CDH9: variants seen among roughly 807,000 people sequenced by gnomAD.
CDH9 encodes the protein cadherin-9.
In CDH9, 28 loss-of-function variants were observed where a neutral mutation model predicts 70.9. That is an observed-to-expected ratio of 0.40 (90% CI 0.29 to 0.54). The LOEUF is 0.54. Among genes scored for constraint, CDH9 ranks in the 20% least tolerant of loss-of-function variants. The probability of loss-of-function intolerance (pLI) is 0.59; values close to 1 mark genes in which losing one functional copy is unlikely to be tolerated. For synonymous variants in CDH9, 409 were observed against 343.1 expected, an observed-to-expected ratio of 1.19 and a Z score of -2.12; for missense variants, 874 against 984.4, an observed-to-expected ratio of 0.89 and a Z score of 1.50.
intron 3 of CDH9, among the ~76,000 whole-genome samples, chr5:26,914,966 C>A (rs115815301): frequency 0.019 from 2,818 of 151,930 alleles, 48 homozygotes; most frequent in Non-Finnish European, 0.026. Context: ...TATAAAACTC[C>A]GCACAAGTGG....
chr5:26,930,149 A>T (rs922869041), intron 2 of CDH9, among the ~76,000 whole-genome samples: 1 of 152,070 alleles, frequency 6.6e-6, no homozygotes. Flanking sequence ...AAATATAAAA[A>T]ATTCAAAATA....
chr5:26,977,982 G>C (rs773528064), intron 2 of CDH9, among the ~76,000 whole-genome samples: 212 of 151,996 alleles, frequency 1.4e-3, no homozygotes, highest in Non-Finnish European at 2.2e-3. Context: ...CAAAATAATA[G>C]CCTGCCTAGA....
chr5:26,969,151 G>C (rs1258299982), intron 2 of CDH9, among the ~76,000 whole-genome samples: 2 of 152,088 alleles, frequency 1.3e-5, no homozygotes, highest in East Asian at 3.9e-4. Flanking sequence ...CTGATAGGAG[G>C]TTCCTTTGTT....
At position 26,881,112 on chromosome 5, in the gene CDH9, TATTG is replaced by T. The variant is rs770891390; in HGVS notation, c.*20_*23del. 47 of 1,567,390 alleles carry T rather than the reference TATTG, an allele frequency of 3.0e-5. No homozygotes were observed. Among genetic ancestry groups the T allele is most frequent in the African/African-American group, 9.5e-5 (7 of 73,476 alleles). On this transcript the variant is annotated 3_prime_UTR_variant, in exon 12 of 12. Coordinates refer to ENST00000231021, the MANE Select transcript of CDH9 (RefSeq NM_016279.4). ...ATAACATAGACAGTACTTCCACTAA[TATTG>T]ATTAAGTCAAACAATCCTCTTAGTC...
At chr5:26,933,749 C>G (rs1290690116) in intron 2 of CDH9, among the ~76,000 whole-genome samples, 1 of 151,160 alleles carries the variant, frequency 6.6e-6, no homozygotes, top group Non-Finnish European at 1.5e-5. Context: ...CACTGCACTC[C>G]AGCCAGGCGA....
chr5:26,898,802 A>G (rs1225470110), intron 7 of CDH9, among the ~76,000 whole-genome samples: 3 of 152,310 alleles, frequency 2.0e-5, no homozygotes, highest in Admixed American at 6.5e-5. Context: ...AATGACAACA[A>G]AAGCCAAAAT....
At chr5:26,936,647 A>G (rs1329539954) in intron 2 of CDH9, among the ~76,000 whole-genome samples, 1 of 152,210 alleles carries the variant, frequency 6.6e-6, no homozygotes, top group Non-Finnish European at 1.5e-5. Flanking sequence ...AAGACTTACT[A>G]TAAAAATACA....
At position 27,032,195 on chromosome 5, in the gene CDH9, A is replaced by G. The variant is rs3811936; in HGVS notation, c.-50+6268T>C. ...TATTTTTAAGAGCACTTTATTATTG[A>G]TATTCACCATTTGTATTTTAATAGA... On this transcript the variant is annotated intron_variant, in intron 1 of 11. Transcript: ENST00000231021. Among the ~76,000 whole-genome samples, 9 of 151,712 alleles carry G rather than the reference A, an allele frequency of 5.9e-5. No individual in the cohort carries two copies. The East Asian group carries it at 1.8e-3, about 30-fold the overall frequency.
intron 1 of CDH9, among the ~76,000 whole-genome samples, chr5:27,002,836 T>A (rs1029092009): frequency 6.6e-6 from 1 of 151,882 alleles, no homozygotes; most frequent in Non-Finnish European, 1.5e-5. Flanking sequence ...AGTTACTGGG[T>A]GCAGCACACC....
intron 5 of CDH9, among the ~76,000 whole-genome samples, chr5:26,905,609 C>G (rs748107497): frequency 6.6e-6 from 1 of 151,954 alleles, no homozygotes; most frequent in Non-Finnish European, 1.5e-5. Flanking sequence ...ACCCTCCTAA[C>G]CAAGAAGTGG....
intron 3 of CDH9, 59 bp from the exon 4 acceptor site, chr5:26,906,897 T>G: frequency 7.3e-6 from 11 of 1,497,466 alleles, no homozygotes; most frequent in Non-Finnish European, 9.9e-6. Flanking sequence ...TCTGAAACAA[T>G]CTTTCTTAAA....
intron 3 of CDH9, among the ~76,000 whole-genome samples, chr5:26,910,398 ATTC>A (rs1242256078): frequency 2.0e-5 from 3 of 151,928 alleles, no homozygotes; most frequent in Admixed American, 6.5e-5. Flanking sequence ...TACTGCCTTT[ATTC>A]TTCTTTAACA....
At chr5:26,960,524 A>G (rs1280293313) in intron 2 of CDH9, among the ~76,000 whole-genome samples, 1 of 152,044 alleles carries the variant, frequency 6.6e-6, no homozygotes, top group African/African-American at 2.4e-5. Flanking sequence ...TTAGAAAACA[A>G]ACAAAAAAGT....
At chr5:27,010,441 T>G (rs1015260697) in intron 1 of CDH9, among the ~76,000 whole-genome samples, 3 of 152,160 alleles carry the variant, frequency 2.0e-5, no homozygotes, top group Non-Finnish European at 4.4e-5. Context: ...ATCCCTCATG[T>G]GTGCCTCATC....
At chr5:26,954,384 C>CTTTTTT (rs141394776) in intron 2 of CDH9, among the ~76,000 whole-genome samples, 20 of 18,358 alleles carry the variant, frequency 1.1e-3, no homozygotes, top group African/African-American at 2.1e-3. Context: ...ATTATACAGC[C>CTTTTTT]TTTCTTTTTT....
At chr5:27,005,534 C>A (rs1300093699) in intron 1 of CDH9, among the ~76,000 whole-genome samples, 1 of 151,950 alleles carries the variant, frequency 6.6e-6, no homozygotes, top group Admixed American at 6.6e-5. Flanking sequence ...CTGACGAGGT[C>A]GTGGAGAAAA....
chr5:26,999,418 A>G (rs1454758264), intron 1 of CDH9, among the ~76,000 whole-genome samples: 2 of 152,172 alleles, frequency 1.3e-5, no homozygotes, highest in Non-Finnish European at 2.9e-5. Flanking sequence ...AACAAATAAT[A>G]AATTTAATGG....
chr5:26,988,157 C>A lies in CDH9; in HGVS notation c.177G>T (p.Gln59His). The A allele has an allele frequency of 6.2e-7, 1 of 1,613,318 alleles. No homozygotes were observed. Among genetic ancestry groups the A allele is most frequent in the East Asian group, 2.2e-5 (1 of 44,800 alleles). Reference sequence around the variant, plus strand: ...CTGTGTACTCTTCCAATAAGAAGAACTGATTCCACATCCAGCCACGCTTGG... The same window carrying A: ...CTGTGTACTCTTCCAATAAGAAGAAATGATTCCACATCCAGCCACGCTTGG... ...RRTKRGWMWN[Q>H]FFLLEEYTGT... Residue 59 changes from glutamine (Q) to histidine (H), a missense_variant, in exon 2 of 12, where the codon CAG becomes CAT. Gln to His is a conservative substitution (Grantham distance 24, BLOSUM62 0). Coordinates refer to ENST00000231021, the MANE Select transcript of CDH9 (RefSeq NM_016279.4).
At chr5:27,007,454 T>C (rs1221492353) in intron 1 of CDH9, among the ~76,000 whole-genome samples, 1 of 152,090 alleles carries the variant, frequency 6.6e-6, no homozygotes, top group Non-Finnish European at 1.5e-5. Context: ...TAACTTATTA[T>C]AAAAGTAGAG....
Sources: gnomAD v4.1 joint callset for allele counts (sites outside exome capture counted in the v4.1 genomes callset) on GRCh38, gnomAD v4.1.1 for gene constraint, MANE v1.5 for transcripts, NCBI Gene and HGNC (gene_info 2026-07-23, HGNC 2026-07-21) for gene names.